Variants in PCDH9 observed in about 807,000 individuals in gnomAD.
PCDH9 encodes the protein protocadherin-9.
PCDH9 carries 24 observed loss-of-function variants against 70.6 expected under a neutral mutation model. The ratio of observed to expected loss-of-function variants is 0.34; its 90% confidence interval spans 0.25 to 0.48. The LOEUF is 0.48. Ranked by LOEUF, PCDH9 falls within the 20% of genes least tolerant of loss-of-function variation. The pLI is 0.99. For missense variants in PCDH9, 1,281 were observed against 1,503.6 expected (o/e 0.85, Z 2.45); for synonymous variants, 562 against 558.5 (o/e 1.01, Z -0.09).
At chr13:66,756,672 G>A (rs958086898) in intron 3 of PCDH9, among the ~76,000 whole-genome samples, 39 of 152,134 alleles carry the variant, frequency 2.6e-4, no homozygotes, top group African/African-American at 9.4e-4. Flanking sequence ...ACATGCTTGT[G>A]TCATTGACAA....
intron 4 of PCDH9, among the ~76,000 whole-genome samples, chr13:66,541,800 A>C (rs115488381): frequency 0.033 from 4,996 of 152,320 alleles, 240 homozygotes; most frequent in African/African-American, 0.11. Flanking sequence ...CCCACTACAG[A>C]GTAGATACTC....
intron 2 of PCDH9, chr13:67,210,362 G>A (rs1306141336): frequency 2.0e-5 from 3 of 152,034 alleles, no homozygotes; most frequent in Non-Finnish European, 4.4e-5. Flanking sequence ...CAACACTAAT[G>A]CAAGAGAGTG....
At chr13:66,629,980 C>T (rs1162273167) in intron 4 of PCDH9, among the ~76,000 whole-genome samples, 1 of 152,118 alleles carries the variant, frequency 6.6e-6, no homozygotes, top group African/African-American at 2.4e-5. Flanking sequence ...GTTTTACCTC[C>T]TCCTGGTATT....
At chr13:67,140,190 T>C (rs2087346714) in intron 2 of PCDH9, among the ~76,000 whole-genome samples, 1 of 152,116 alleles carries the variant, frequency 6.6e-6, no homozygotes, top group Non-Finnish European at 1.5e-5. Flanking sequence ...ATGTACCTCC[T>C]GGGGTCCAGC....
At chr13:66,785,906 T>C (rs1343487173) in intron 3 of PCDH9, among the ~76,000 whole-genome samples, 1 of 152,266 alleles carries the variant, frequency 6.6e-6, no homozygotes, top group Non-Finnish European at 1.5e-5. Flanking sequence ...GATAGCAGTG[T>C]CCCATTTTTG....
At chr13:66,506,851 T>C (rs940791133) in intron 4 of PCDH9, among the ~76,000 whole-genome samples, 27 of 152,256 alleles carry the variant, frequency 1.8e-4, no homozygotes, top group Non-Finnish European at 8.8e-5. Context: ...GAAGAAATAC[T>C]TTTTCAATAT....
intron 4 of PCDH9, among the ~76,000 whole-genome samples, chr13:66,566,025 A>T (rs530215649): frequency 2.6e-5 from 4 of 152,182 alleles, no homozygotes; most frequent in Non-Finnish European, 5.9e-5. Context: ...TGAGGATAGC[A>T]GATAAGGGAA....
intron 2 of PCDH9, among the ~76,000 whole-genome samples, chr13:67,140,942 T>C (rs1371427941): frequency 2.0e-5 from 3 of 152,202 alleles, no homozygotes; most frequent in Admixed American, 6.5e-5. Flanking sequence ...TTTCTTTCTT[T>C]TGCTTTTTCC....
intron 4 of PCDH9, among the ~76,000 whole-genome samples, chr13:66,378,174 A>G (rs552714326): frequency 3.3e-5 from 5 of 152,322 alleles, no homozygotes; most frequent in African/African-American, 1.2e-4. Context: ...GAGAAGTGCA[A>G]TCTGTGTGTT....
intron 4 of PCDH9, among the ~76,000 whole-genome samples, chr13:66,581,764 C>T (rs2076895242): frequency 6.6e-6 from 1 of 152,014 alleles, no homozygotes; most frequent in Admixed American, 6.6e-5. Context: ...AATGGCAGTC[C>T]CCATTTCTTT....
chr13:66,795,209 A>T (rs939212793), intron 3 of PCDH9, among the ~76,000 whole-genome samples: 18 of 152,170 alleles, frequency 1.2e-4, no homozygotes, highest in African/African-American at 4.3e-4. Flanking sequence ...AAATATTTGC[A>T]TTATATACTG....
At chr13:66,528,760 G>T (rs556471842) in intron 4 of PCDH9, among the ~76,000 whole-genome samples, 1 of 152,150 alleles carries the variant, frequency 6.6e-6, no homozygotes, top group South Asian at 2.1e-4. Context: ...AAACTGCCCT[G>T]ATTTACAAGT....
chr13:66,381,791 G>GT, intron 4 of PCDH9, among the ~76,000 whole-genome samples: 1 of 152,124 alleles, frequency 6.6e-6, no homozygotes, highest in African/African-American at 2.4e-5. Flanking sequence ...TTCCCTGTAA[G>GT]CATCTTATGT....
At chr13:66,387,755 T>C (rs920803108) in intron 4 of PCDH9, among the ~76,000 whole-genome samples, 2 of 152,074 alleles carry the variant, frequency 1.3e-5, no homozygotes, top group African/African-American at 2.4e-5. Flanking sequence ...TATTCCTATA[T>C]AGCAACATAA....
At position 67,225,531 on chromosome 13, in the gene PCDH9, G is replaced by A; in HGVS notation, c.2910C>T (p.Asp970=). 1 of 1,614,088 alleles carries A rather than the reference G, an allele frequency of 6.2e-7. No individual in the cohort carries two copies. The highest frequency in any genetic ancestry group is 8.5e-7 in the Non-Finnish European group (1 of 1,179,984). Residue 970 remains aspartate (D), a synonymous_variant, in exon 2 of 5, where the codon GAC becomes GAT. Coordinates refer to ENST00000377865, the MANE Select transcript of PCDH9 (RefSeq NM_203487.3). ...TGTCACAACCCCCAACAAAGGTGTT[G>A]TCCAAAGGGAGTTCCTGAATCACGT... ...KHHVIQELPL[D]NTFVGGCDTL... is the part of the protein sequence containing the mutation.
intron 4 of PCDH9, among the ~76,000 whole-genome samples, chr13:66,603,487 A>T (rs1034357734): frequency 1.3e-5 from 2 of 152,014 alleles, no homozygotes; most frequent in African/African-American, 4.8e-5. Flanking sequence ...AAAATTGTTC[A>T]ATGGATTTAA....
chr13:66,773,941 C>T (rs1484252860), intron 3 of PCDH9, among the ~76,000 whole-genome samples: 2 of 151,862 alleles, frequency 1.3e-5, no homozygotes, highest in South Asian at 4.2e-4. Context: ...CCAAGCCCGG[C>T]TAATTTTTGT....
chr13:66,940,650 T>C (rs2082993037), intron 2 of PCDH9, among the ~76,000 whole-genome samples: 1 of 152,030 alleles, frequency 6.6e-6, no homozygotes, highest in Non-Finnish European at 1.5e-5. Flanking sequence ...ACAAAATTTT[T>C]CTGTAGACAT....
Position 67,227,709 on chromosome 13 carries a change from A to G in PCDH9, c.732T>C (p.Asp244=), listed in dbSNP as rs201079422. 24 of 1,614,102 alleles carry G rather than the reference A, an allele frequency of 1.5e-5. No individual in the cohort carries two copies. In the Admixed American group the frequency reaches 3.0e-4, roughly 20 times the overall value. Residue 244 remains aspartate (D), a synonymous_variant, in exon 2 of 5, where the codon GAT becomes GAC. Coordinates refer to ENST00000377865, the MANE Select transcript of PCDH9 (RefSeq NM_203487.3). This position sits in a 1 kb window ranked among gnomAD's most constrained non-coding sequence, Gnocchi z 4.6. ...STAILQVTVS[D]VNDNRPVFKE... ...TAAACACTGGCCTGTTGTCATTTACATCACTTACTGTGACCTGCAGTATGG... is the reference window on the plus strand; with the variant it reads ...TAAACACTGGCCTGTTGTCATTTACGTCACTTACTGTGACCTGCAGTATGG...
Sources: allele counts gnomAD v4.1 joint callset (sites outside exome capture counted in the v4.1 genomes callset), GRCh38; gene constraint gnomAD v4.1.1; non-coding constraint Gnocchi (gnomAD v3.1); transcripts MANE v1.5; gene names NCBI Gene and HGNC (gene_info 2026-07-23, HGNC 2026-07-21).